The following KIF11 variants were observed in gnomAD, a reference collection of about 807,000 sequenced individuals.
KIF11 encodes kinesin-like protein KIF11.
A neutral mutation model predicts 121.0 loss-of-function variants in KIF11; 9 were observed. The ratio of observed to expected loss-of-function variants is 0.07; its 90% CI spans 0.04 to 0.13. The LOEUF is 0.13. KIF11 is among the 10% of genes least tolerant of loss of function. KIF11 has a pLI of 1.00. For missense variants in KIF11, 846 were observed against 1,217.5 expected (o/e 0.69, Z 4.54); for synonymous variants, 408 against 421.0 (o/e 0.97, Z 0.38).
At chr10:92,601,203 TC>T (rs1171694163) in intron 1 of KIF11, among the ~76,000 whole-genome samples, 1 of 139,606 alleles carries the variant, frequency 7.2e-6, no homozygotes, top group African/African-American at 2.7e-5. Context: ...TTTTTATTTT[TC>T]TTCCTTTTTT....
At chr10:92,630,005 C>A (rs892781770) in intron 11 of KIF11, among the ~76,000 whole-genome samples, 171 bp from the exon 12 acceptor site, 3 of 152,268 alleles carry the variant, frequency 2.0e-5, no homozygotes, top group African/African-American at 7.2e-5. Flanking sequence ...TATTTAATCT[C>A]AAAGTGTTGA....
intron 10 of KIF11, among the ~76,000 whole-genome samples, chr10:92,627,494 T>C: frequency 6.6e-6 from 1 of 152,222 alleles, no homozygotes; most frequent in East Asian, 1.9e-4. Context: ...TCTCTCCTTT[T>C]GAAAAATATA....
Position 92,606,725 on chromosome 10 carries a change from A to G in KIF11, c.308+9A>G. On this transcript the variant is annotated intron_variant, in intron 3 of 21. Transcript: ENST00000260731. ...AATTGCACTATCTTTGCGTAAGTAA[A>G]AGGGTGTTTTTTCTGATTTATGAAA... The G allele has an allele frequency of 7.8e-7, 1 of 1,286,968 alleles. No individual in the cohort carries two copies. Among genetic ancestry groups the G allele is most frequent in the Non-Finnish European group, 1.1e-6 (1 of 893,270 alleles). 79.7% of individuals were successfully genotyped at this position (1,286,968 alleles called of 1,614,324 possible).
chr10:92,653,334 A>G (rs1228268344), intron 21 of KIF11, among the ~76,000 whole-genome samples: 1 of 152,222 alleles, frequency 6.6e-6, no homozygotes, highest in Non-Finnish European at 1.5e-5. Flanking sequence ...ACACCAAAAA[A>G]GTCTCTCAGC....
chr10:92,646,800 AAAG>A (rs771797856), intron 18 of KIF11, among the ~76,000 whole-genome samples: 47 of 152,326 alleles, frequency 3.1e-4, no homozygotes, highest in Middle Eastern at 3.4e-3. Context: ...GAAAATGGGT[AAAG>A]AAGAAGAAAA....
chr10:92,615,036 T>C (rs1182474238), intron 8 of KIF11, among the ~76,000 whole-genome samples: 1 of 151,848 alleles, frequency 6.6e-6, no homozygotes, highest in Admixed American at 6.6e-5. Flanking sequence ...GCTCAAGGGA[T>C]CCTCCTACCT....
At chr10:92,641,053 T>C (rs933262163) in intron 17 of KIF11, among the ~76,000 whole-genome samples, 10 of 152,188 alleles carry the variant, frequency 6.6e-5, no homozygotes, top group African/African-American at 2.2e-4. Flanking sequence ...CAGCCTGTAT[T>C]AGAGTTTAAT....
At chr10:92,602,103 G>A (rs1369083400) in intron 1 of KIF11, among the ~76,000 whole-genome samples, 1 of 152,084 alleles carries the variant, frequency 6.6e-6, no homozygotes, top group Non-Finnish European at 1.5e-5. Context: ...CTGTATTCCA[G>A]GAATAAATCC....
chr10:92,626,402 G>T (rs1215284920), intron 10 of KIF11, among the ~76,000 whole-genome samples: 1 of 152,138 alleles, frequency 6.6e-6, no homozygotes, highest in Non-Finnish European at 1.5e-5. Flanking sequence ...CCCATATACA[G>T]AAATCAACTC....
chr10:92,652,376 G>T (rs577358958), intron 21 of KIF11, among the ~76,000 whole-genome samples: 2 of 152,214 alleles, frequency 1.3e-5, no homozygotes, highest in East Asian at 3.9e-4. Flanking sequence ...CCGACCTCAG[G>T]TGATCCGCCC....
Position 92,645,353 on chromosome 10 carries a change from T to C in KIF11, c.2268-10T>C, listed in dbSNP as rs779739406. 6.3e-7 allele frequency: 1 copy of C among 1,588,898 alleles called. No individual in the cohort carries two copies. The highest frequency in any genetic ancestry group is 8.6e-7 in the Non-Finnish European group (1 of 1,164,530). On this transcript the variant is annotated splice_polypyrimidine_tract_variant and intron_variant, in intron 17 of 21. Coordinates refer to ENST00000260731, the MANE Select transcript of KIF11 (RefSeq NM_004523.4). ...CCCCATTTCAACAGTGTCATTCTCT[T>C]TTCCTATAGGAAATCTAAGGATATA...
rs1844520489 is a variant in KIF11 at position 92,613,749 on chromosome 10, C to T, written c.1032+130C>T. 1 of 854,688 alleles carries T rather than the reference C, an allele frequency of 1.2e-6. No homozygotes were observed. The highest frequency in any genetic ancestry group is 1.8e-6 in the Non-Finnish European group (1 of 571,380). The allele number at this position is 854,688 out of a possible 1,614,324, so 52.9% of individuals were successfully genotyped here. On this transcript the variant is annotated intron_variant, in intron 8 of 21. Transcript: ENST00000260731. This position sits in a 1 kb window ranked among gnomAD's most constrained non-coding sequence, Gnocchi z 4.2. ...CTGTAAACCCAGCACTTTGGAAGTC[C>T]AAGGTGGGCGGATCACTTGAGCTTA...
Position 92,613,496 on chromosome 10 carries a change from A to C in KIF11, c.909A>C (p.Val303=). 6.2e-7 allele frequency: 1 copy of C among 1,613,470 alleles called. No homozygotes were observed. Among genetic ancestry groups the C allele is most frequent in the Non-Finnish European group, 8.5e-7 (1 of 1,179,442 alleles). ...LTLGRVITAL[V]ERTPHVPYRE... ...TGGGAAGGGTCATTACTGCCCTTGT[A>C]GAAAGAACACCTCATGTTCCTTATC... The change falls in exon 8 of 22, where the codon GTA becomes GTC. Residue 303 remains valine (V), a synonymous_variant. Coordinates refer to ENST00000260731, the MANE Select transcript of KIF11 (RefSeq NM_004523.4). The surrounding 1 kb of genome is among the most constrained non-coding windows in gnomAD (Gnocchi z 4.2).
At position 92,624,989 on chromosome 10, in the gene KIF11, C is replaced by T. The variant is rs536920419; in HGVS notation, c.1217+3516C>T. On this transcript the variant is annotated intron_variant, in intron 10 of 21. Transcript: ENST00000260731. ...TTCACCATGTTGGCCAGGCTGGTCT[C>T]GAACTCCTGACCTCAAGTGATCTGC... is the stretch of plus-strand genomic sequence containing the variant. Among the ~76,000 whole-genome samples the T allele has an allele frequency of 5.3e-5, 8 of 151,512 alleles. No individual in the cohort carries two copies. The South Asian group carries it at 1.5e-3, about 28-fold the overall frequency.
chr10:92,600,001 T>TATTATC (rs1283515983), intron 1 of KIF11, among the ~76,000 whole-genome samples: 1 of 147,440 alleles, frequency 6.8e-6, no homozygotes, highest in Admixed American at 6.8e-5. Flanking sequence ...TTATTATTAT[T>TATTATC]ATTTATTTAT....
At chr10:92,619,645 G>T (rs1292432739) in intron 9 of KIF11, among the ~76,000 whole-genome samples, 2 of 151,956 alleles carry the variant, frequency 1.3e-5, no homozygotes, top group Non-Finnish European at 2.9e-5. Context: ...AGCATTTGGT[G>T]GTGTAACTTT....
chr10:92,603,238 C>T (rs1412181006), intron 1 of KIF11, among the ~76,000 whole-genome samples: 2 of 149,980 alleles, frequency 1.3e-5, no homozygotes, highest in African/African-American at 4.9e-5. Flanking sequence ...CTTCCTATCC[C>T]CCTTAAACTG....
rs763544486 is a variant in KIF11, at chr10:92,653,720, G to A, written c.3095G>A (p.Arg1032Lys). 46 of 1,612,504 alleles carry A rather than the reference G, an allele frequency of 2.9e-5. No homozygotes were observed. In the South Asian group the frequency reaches 4.0e-4, roughly 14 times the overall value. ...KENRGINTLE[R>K]SKVEETTEHL... ...AACAGAGGCATTAACACACTGGAGA[G>A]GTCTAAAGTGGAAGAAACTACAGAG... is the stretch of plus-strand genomic sequence containing the variant. The change falls in exon 22 of 22, where the codon AGG (arginine) becomes AAG (lysine). Residue 1032 changes from arginine (R) to lysine (K), a missense_variant. Physicochemically the swap from Arg to Lys is conservative, Grantham distance 26 (BLOSUM62 2). Around this residue, in one of 5 missense-constraint regions of KIF11, gnomAD observed 492 missense variants for 603.4 expected, o/e 0.82. Transcript: ENST00000260731.
At chr10:92,615,949 C>G (rs1844550348) in intron 8 of KIF11, among the ~76,000 whole-genome samples, 1 of 150,352 alleles carries the variant, frequency 6.7e-6, no homozygotes, top group Non-Finnish European at 1.5e-5. Flanking sequence ...AAGTGATTCT[C>G]CTGCCTCAGC....
Sources: allele counts gnomAD v4.1 joint callset (sites outside exome capture counted in the v4.1 genomes callset), GRCh38; gene constraint gnomAD v4.1.1; regional missense constraint gnomAD v4.1.1; non-coding constraint Gnocchi (gnomAD v3.1); transcripts MANE v1.5; gene names NCBI Gene and HGNC (gene_info 2026-07-23, HGNC 2026-07-21).